Variants in PACRG observed in about 807,000 individuals in gnomAD.
PACRG encodes the protein parkin coregulated, also known as parkin coregulated gene protein.
PACRG carries 29 observed loss-of-function variants against 29.7 expected under a neutral mutation model. The ratio of observed to expected loss-of-function variants is 0.98; its 90% CI spans 0.73 to 1.33. PACRG has a LOEUF of 1.33. Ranked by LOEUF, PACRG falls within the 40% of genes most tolerant of loss-of-function variation. The pLI is 0.00. For synonymous variants in PACRG, 116 were observed against 118.7 expected, an observed-to-expected ratio of 0.98 and a Z score of 0.15; for missense variants, 279 against 316.2, an observed-to-expected ratio of 0.88 and a Z score of 0.89.
chr6:162,747,280 A>G (rs1205360247), intron 1 of PACRG, among the ~76,000 whole-genome samples: 4 of 131,556 alleles, frequency 3.0e-5, no homozygotes, highest in African/African-American at 1.1e-4. Context: ...ACAACATCGG[A>G]CTCTAAGTTC....
At chr6:163,066,709 C>T (rs1343131353) in intron 3 of PACRG, among the ~76,000 whole-genome samples, 3 of 152,102 alleles carry the variant, frequency 2.0e-5, no homozygotes, top group Non-Finnish European at 4.4e-5. Context: ...AAGAATGTAA[C>T]ATCCAATAGA....
In PACRG at chr6:163,084,120, G is replaced by A. The variant is rs73593703; in HGVS notation, c.464-5139G>A. On this transcript the variant is annotated intron_variant, in intron 3 of 4. Coordinates refer to ENST00000366888, the MANE Select transcript of PACRG (RefSeq NM_001080379.2). ...GAAATCCAATTTTCTGAATAGAAAG[G>A]TTCCATTTGTTGATCTATAATGTCA... Among the ~76,000 whole-genome samples, 1,203 of 152,188 alleles carry A rather than the reference G, an allele frequency of 7.9e-3. 21 individuals carry two copies. Among genetic ancestry groups the A allele is most frequent in the African/African-American group, 0.027 (1,132 of 41,530 alleles).
At chr6:162,847,343 G>C (rs1790491029) in intron 2 of PACRG, among the ~76,000 whole-genome samples, 1 of 152,108 alleles carries the variant, frequency 6.6e-6, no homozygotes, top group Non-Finnish European at 1.5e-5. Flanking sequence ...ACACTCTGTT[G>C]AAGTCATATT....
chr6:163,092,321 A>C (rs572507045), intron 4 of PACRG, among the ~76,000 whole-genome samples: 196 of 152,122 alleles, frequency 1.3e-3, no homozygotes, highest in Non-Finnish European at 2.2e-3. Flanking sequence ...TGAGGAGCCC[A>C]GGCTTCCAGT....
chr6:162,999,215 G>T (rs1804359857), intron 2 of PACRG, among the ~76,000 whole-genome samples: 1 of 152,210 alleles, frequency 6.6e-6, no homozygotes, highest in African/African-American at 2.4e-5. Context: ...AGAGATTGCT[G>T]GAAGCCCCAT....
intron 2 of PACRG, among the ~76,000 whole-genome samples, chr6:162,840,016 G>A (rs1256531667): frequency 2.6e-4 from 32 of 125,384 alleles, no homozygotes; most frequent in African/African-American, 7.9e-4. Flanking sequence ...ATAGTTTGAA[G>A]TCAGGTAGTG....
chr6:163,017,298 A>T (rs572213626), intron 2 of PACRG, among the ~76,000 whole-genome samples: 3 of 152,202 alleles, frequency 2.0e-5, no homozygotes, highest in Non-Finnish European at 4.4e-5. Flanking sequence ...TTGACTTCAG[A>T]GTATATAATC....
At position 162,850,009 on chromosome 6, in the gene PACRG, T is replaced by A. The variant is rs374610342; in HGVS notation, c.291+35728T>A. 6.6e-5 allele frequency among the ~76,000 whole-genome samples: 10 copies of A among 152,328 alleles called. No individual in the cohort carries two copies. In the East Asian group the frequency reaches 1.9e-3, roughly 29 times the overall value. ...CTAAGGTCATGCTCAGTTCTAAGAA[T>A]CCATAAATGTGCATGTGAATAGAAT... On this transcript the variant is annotated intron_variant, in intron 2 of 4. Transcript: ENST00000366888.
intron 2 of PACRG, among the ~76,000 whole-genome samples, chr6:162,983,625 A>G (rs773148048): frequency 3.9e-5 from 6 of 152,008 alleles, no homozygotes; most frequent in Non-Finnish European, 7.4e-5. Context: ...GAGGAGGCTA[A>G]AGATAGGACC....
intron 2 of PACRG, among the ~76,000 whole-genome samples, chr6:162,898,000 G>A (rs753003913): frequency 6.6e-6 from 1 of 152,186 alleles, no homozygotes; most frequent in Non-Finnish European, 1.5e-5. Context: ...CTAGCTCCAC[G>A]TTCCCCTGTC....
In PACRG at chr6:162,738,063, A is replaced by G. The variant is rs1780299651; in HGVS notation, c.156+9672A>G. On this transcript the variant is annotated intron_variant, in intron 1 of 4. Coordinates refer to ENST00000366888, the MANE Select transcript of PACRG (RefSeq NM_001080379.2). ...ACAATATTTTTAATTGTAACATTAT[A>G]TTCTTATAAGTAAAACAATAACCTC... 2.0e-5 allele frequency among the ~76,000 whole-genome samples: 3 copies of G among 152,292 alleles called. No individual in the cohort carries two copies. In the South Asian group the frequency reaches 6.2e-4, roughly 32 times the overall value.
chr6:162,849,226 C>A (rs988995842), intron 2 of PACRG, among the ~76,000 whole-genome samples: 2 of 152,108 alleles, frequency 1.3e-5, no homozygotes, highest in African/African-American at 4.8e-5. Context: ...TTAAGACAGT[C>A]GTTAAGCTTT....
chr6:163,080,329 A>G (rs1204583494), intron 3 of PACRG, among the ~76,000 whole-genome samples: 1 of 152,060 alleles, frequency 6.6e-6, no homozygotes, highest in Admixed American at 6.5e-5. Context: ...CTGAGACACA[A>G]TTTAGGTACA....
chr6:162,994,378 C>A (rs1202105485), intron 2 of PACRG, among the ~76,000 whole-genome samples: 14 of 149,598 alleles, frequency 9.4e-5, no homozygotes, highest in African/African-American at 3.0e-4. Context: ...TTCAGGTACA[C>A]CAATCAGACG....
intron 2 of PACRG, among the ~76,000 whole-genome samples, chr6:163,031,842 A>G (rs1807695140): frequency 6.6e-6 from 1 of 152,180 alleles, no homozygotes; most frequent in Non-Finnish European, 1.5e-5. Context: ...TTTACTTACC[A>G]CAGGTCAGAA....
chr6:162,806,049 G>C (rs1461648830), intron 1 of PACRG, among the ~76,000 whole-genome samples: 2 of 151,778 alleles, frequency 1.3e-5, no homozygotes, highest in African/African-American at 4.8e-5. Flanking sequence ...ACATTGCCCA[G>C]ATACATCAGA....
At chr6:162,937,461 A>C (rs1798313635) in intron 2 of PACRG, among the ~76,000 whole-genome samples, 1 of 152,156 alleles carries the variant, frequency 6.6e-6, no homozygotes, top group Non-Finnish European at 1.5e-5. Context: ...CCTCACATGG[A>C]GGCCAAGAGA....
At chr6:163,267,231 A>G (rs1186995194) in intron 4 of PACRG, among the ~76,000 whole-genome samples, 1 of 152,180 alleles carries the variant, frequency 6.6e-6, no homozygotes, top group Non-Finnish European at 1.5e-5. Flanking sequence ...TTCTTCCATG[A>G]GCTCTGGGCT....
chr6:162,844,308 T>A (rs897694872), intron 2 of PACRG, among the ~76,000 whole-genome samples: 1 of 152,066 alleles, frequency 6.6e-6, no homozygotes, highest in Non-Finnish European at 1.5e-5. Flanking sequence ...TGGTGCGCCG[T>A]TTTTTAAGCC....
Sources: allele counts gnomAD v4.1 joint callset (sites outside exome capture counted in the v4.1 genomes callset), GRCh38; gene constraint gnomAD v4.1.1; transcripts MANE v1.5; gene names NCBI Gene and HGNC (gene_info 2026-07-23, HGNC 2026-07-21).